KLF12: variants seen among roughly 807,000 people sequenced by gnomAD.
KLF12 encodes KLF transcription factor 12.
KLF12 carries 9 observed loss-of-function variants against 37.8 expected under a neutral mutation model. The ratio of observed to expected loss-of-function variants is 0.24; its 90% confidence interval spans 0.14 to 0.42. The LOEUF (loss-of-function observed/expected upper bound fraction) is 0.42. Ranked by LOEUF, KLF12 falls within the 10% of genes least tolerant of loss-of-function variation. KLF12 has a pLI of 1.00. For synonymous variants in KLF12, 208 were observed against 202.1 expected, an observed-to-expected ratio of 1.03 and a Z score of -0.25; for missense variants, 411 against 516.0, an observed-to-expected ratio of 0.80 and a Z score of 1.97.
intron 3 of KLF12, among the ~76,000 whole-genome samples, chr13:73,896,528 A>C (rs1887778296): frequency 6.6e-6 from 1 of 152,202 alleles, no homozygotes; most frequent in Non-Finnish European, 1.5e-5. Context: ...AATGTGGTAT[A>C]TTCAGCTTTA....
chr13:73,785,366 C>A (rs73531637), intron 5 of KLF12, among the ~76,000 whole-genome samples: 5,294 of 152,002 alleles, frequency 0.035, 300 homozygotes, highest in African/African-American at 0.12. Flanking sequence ...CGCTCACCTC[C>A]GTCTCCCAAA....
the KLF12 span, among the ~76,000 whole-genome samples, chr13:74,273,682 G>A: frequency 1.3e-5 from 2 of 152,056 alleles, no homozygotes; most frequent in Non-Finnish European, 1.5e-5. Context: ...TACTGTAACT[G>A]AGAAGTGGAC....
chr13:74,042,942 T>A (rs921422678), intron 1 of KLF12, among the ~76,000 whole-genome samples: 4 of 152,092 alleles, frequency 2.6e-5, no homozygotes, highest in African/African-American at 7.2e-5. Context: ...CCTAGGGAAA[T>A]AGGAATAAGG....
chr13:74,185,489 A>G, the KLF12 span, among the ~76,000 whole-genome samples: 3 of 152,276 alleles, frequency 2.0e-5, no homozygotes, highest in East Asian at 5.8e-4. Flanking sequence ...GTTATTATGC[A>G]TTGTGAGTCT....
intron 5 of KLF12, among the ~76,000 whole-genome samples, chr13:73,774,563 G>C (rs1880479756): frequency 1.3e-5 from 2 of 152,052 alleles, no homozygotes; most frequent in Admixed American, 1.3e-4. Context: ...CAGTAGTTTT[G>C]TTAATTGTTC....
intron 3 of KLF12, among the ~76,000 whole-genome samples, chr13:73,883,690 T>C (rs1887086790): frequency 6.6e-6 from 1 of 152,188 alleles, no homozygotes; most frequent in South Asian, 2.1e-4. Flanking sequence ...AAGGAGCTTA[T>C]AACCCAGTGT....
intron 6 of KLF12, among the ~76,000 whole-genome samples, chr13:73,744,762 C>CA (rs1279779809): frequency 6.6e-6 from 1 of 152,120 alleles, no homozygotes; most frequent in Non-Finnish European, 1.5e-5. Flanking sequence ...TGCATCAGGA[C>CA]ATGAAAAAAT....
intron 6 of KLF12, among the ~76,000 whole-genome samples, chr13:73,738,112 T>TACACACATATATGTATGTGTAC (rs1274922529): frequency 2.7e-5 from 2 of 74,758 alleles, no homozygotes; most frequent in Non-Finnish European, 5.4e-5. Context: ...TATATATATA[T>TACACACATATATGTATGTGTAC]ATATATATAT....
chr13:74,130,180 AC>A (rs1460105219), intron 1 of KLF12, among the ~76,000 whole-genome samples: 1 of 152,164 alleles, frequency 6.6e-6, no homozygotes, highest in Non-Finnish European at 1.5e-5. Context: ...TAATATTTTT[AC>A]CCTTACATTC....
At chr13:74,138,115 TAA>T (rs1264563290), upstream of KLF12, among the ~76,000 whole-genome samples, 3 of 152,350 alleles carry the variant, frequency 2.0e-5, no homozygotes, top group Admixed American at 2.0e-4. Context: ...TTATCTAAGG[TAA>T]AAACTCTGTT....
At chr13:73,712,788 T>C (rs1875503634) in intron 7 of KLF12, among the ~76,000 whole-genome samples, 1 of 152,206 alleles carries the variant, frequency 6.6e-6, no homozygotes, top group Non-Finnish European at 1.5e-5. Context: ...AGTCAAAAGA[T>C]TACGACTCTA....
At chr13:74,129,619 T>C (rs1184745306) in intron 1 of KLF12, among the ~76,000 whole-genome samples, 2 of 151,728 alleles carry the variant, frequency 1.3e-5, no homozygotes, top group Non-Finnish European at 2.9e-5. Flanking sequence ...AGTCTAATTA[T>C]TACACTAATA....
intron 6 of KLF12, among the ~76,000 whole-genome samples, chr13:73,764,230 A>G (rs189506556): frequency 6.6e-6 from 1 of 152,202 alleles, no homozygotes; most frequent in East Asian, 1.9e-4. Context: ...TTTTTTCCTT[A>G]ATAACACATT....
rs528976031 is a variant in KLF12, at chr13:74,074,105, C to G, written c.-32+59634G>C. Reference sequence around the variant, plus strand: ...AGTAAAAGAATCACTGATTAAAAAGCAATGTAAAACACTGTCCCTTCTGCT... The same window carrying G: ...AGTAAAAGAATCACTGATTAAAAAGGAATGTAAAACACTGTCCCTTCTGCT... On this transcript the variant is annotated intron_variant, in intron 1 of 7. Transcript: ENST00000377669. Among the ~76,000 whole-genome samples, 12 of 152,232 alleles carry G rather than the reference C, an allele frequency of 7.9e-5. No homozygotes were observed. In the South Asian group the frequency reaches 2.5e-3, roughly 32 times the overall value.
the KLF12 span, among the ~76,000 whole-genome samples, chr13:74,228,352 G>C: frequency 2.6e-5 from 4 of 152,048 alleles, no homozygotes; most frequent in Admixed American, 1.3e-4. Context: ...AAACCAATGA[G>C]AGCTGGACAT....
chr13:73,691,398 A>T lies in KLF12; in HGVS notation c.*4092T>A, dbSNP rs1323216390. 6.6e-6 allele frequency: 1 copy of T among 152,652 alleles called. No individual in the cohort carries two copies. Among genetic ancestry groups the T allele is most frequent in the Non-Finnish European group, 1.5e-5 (1 of 68,028 alleles). The allele number at this position is 152,652 out of a possible 1,614,324, so 9.5% of individuals were successfully genotyped here. A position where few individuals can be genotyped will look rare whatever the true frequency, so the allele number is the denominator to read the frequency against. The stretch of plus-strand genomic sequence containing the variant: ...TCAATGATGTTTTATACTAGAATAC[A>T]TTTACCTGCTAAGTTTACAGGCAAC... On this transcript the variant is annotated 3_prime_UTR_variant, in exon 8 of 8. Coordinates refer to ENST00000377669, the MANE Select transcript of KLF12 (RefSeq NM_007249.5).
chr13:74,260,976 T>C, the KLF12 span, among the ~76,000 whole-genome samples: 2 of 152,144 alleles, frequency 1.3e-5, no homozygotes, highest in East Asian at 3.9e-4. Context: ...CACTGGACTT[T>C]GGGAACTTGG....
the KLF12 span, among the ~76,000 whole-genome samples, chr13:74,165,530 C>G: frequency 2.0e-5 from 3 of 152,054 alleles, no homozygotes; most frequent in Non-Finnish European, 4.4e-5. Context: ...AACTCCCACC[C>G]TCAACTGATC....
At position 73,859,050 on chromosome 13, in the gene KLF12, G is replaced by A. The variant is rs144948467; in HGVS notation, c.124-12677C>T. Among the ~76,000 whole-genome samples, 24 of 152,282 alleles carry A rather than the reference G, an allele frequency of 1.6e-4. No homozygotes were observed. In the East Asian group the frequency reaches 4.1e-3, roughly 26 times the overall value. On this transcript the variant is annotated intron_variant, in intron 3 of 7. Coordinates refer to ENST00000377669, the MANE Select transcript of KLF12 (RefSeq NM_007249.5). ...ACATTTTTGCTCTCATTAGGTGGTGGGGTAAAACCCAGAAAACTGGGTTCA... is the reference window on the plus strand; with the variant it reads ...ACATTTTTGCTCTCATTAGGTGGTGAGGTAAAACCCAGAAAACTGGGTTCA...
Sources: gnomAD v4.1 joint callset for allele counts (sites outside exome capture counted in the v4.1 genomes callset) on GRCh38, gnomAD v4.1.1 for gene constraint, MANE v1.5 for transcripts, NCBI Gene and HGNC (gene_info 2026-07-23, HGNC 2026-07-21) for gene names.